TTLL4: variants seen among roughly 807,000 people sequenced by gnomAD.
TTLL4 encodes the protein tubulin monoglutamylase TTLL4.
Under a neutral mutation model 122.7 loss-of-function variants are expected in TTLL4, and 85 were observed. That is an observed-to-expected ratio of 0.69 (90% CI 0.58 to 0.83). The LOEUF (loss-of-function observed/expected upper bound fraction) is 0.83. TTLL4 is among the 40% of genes least tolerant of loss of function. The pLI is 0.00. For synonymous variants in TTLL4, 553 were observed against 563.0 expected, an observed-to-expected ratio of 0.98 and a Z score of 0.25; for missense variants, 1,363 against 1,488.6, an observed-to-expected ratio of 0.92 and a Z score of 1.39.
intron 15 of TTLL4, 41 bp from the exon 16 acceptor site, chr2:218,751,663 G>A: frequency 1.2e-6 from 2 of 1,601,384 alleles, no homozygotes; most frequent in Admixed American, 3.5e-5. Context: ...ATAAGAAGCT[G>A]CTGACCCTGC....
chr2:218,737,527 G>C, intron 2 of TTLL4, 52 bp from the exon 3 acceptor site: 1 of 932,592 alleles, frequency 1.1e-6, no homozygotes, highest in Non-Finnish European at 1.6e-6. Flanking sequence ...CTGTAGCATG[G>C]TGTCCGTTCT....
intron 5 of TTLL4, among the ~76,000 whole-genome samples, chr2:218,743,164 A>G (rs559211573): frequency 4.0e-4 from 60 of 151,710 alleles, no homozygotes; most frequent in African/African-American, 1.4e-3. Flanking sequence ...AACAAGATAC[A>G]GAACGTTGTC....
At chr2:218,711,994 C>G (rs549248322) in intron 1 of TTLL4, among the ~76,000 whole-genome samples, 1 of 151,914 alleles carries the variant, frequency 6.6e-6, no homozygotes, top group East Asian at 1.9e-4. Context: ...GCATTTAAAC[C>G]ACCCACTTTG....
At chr2:218,732,483 G>A (rs1942408427) in intron 2 of TTLL4, among the ~76,000 whole-genome samples, 1 of 152,178 alleles carries the variant, frequency 6.6e-6, no homozygotes, top group African/African-American at 2.4e-5. Flanking sequence ...TCGTAGGAGG[G>A]CAGAGTATAT....
At chr2:218,729,974 T>C (rs1942320390) in intron 2 of TTLL4, among the ~76,000 whole-genome samples, 1 of 152,006 alleles carries the variant, frequency 6.6e-6, no homozygotes, top group African/African-American at 2.4e-5. Context: ...AAACTCATGG[T>C]CTTAAGTGAT....
At position 218,747,895 on chromosome 2, in the gene TTLL4, C is replaced by T. The variant is rs928814737; in HGVS notation, c.2378+170C>T. On this transcript the variant is annotated intron_variant, in intron 11 of 19. Coordinates refer to ENST00000392102, the MANE Select transcript of TTLL4 (RefSeq NM_014640.5). This position sits in a 1 kb window ranked among gnomAD's most constrained non-coding sequence, Gnocchi z 4.7. Reference sequence around the variant, plus strand: ...CTTCGTTAAATCTGGGGAGGGTCTTCCTGCATGCGGGACTGAGGTGGGATA... The same window carrying T: ...CTTCGTTAAATCTGGGGAGGGTCTTTCTGCATGCGGGACTGAGGTGGGATA... 2.6e-5 allele frequency: 30 copies of T among 1,164,060 alleles called. No individual in the cohort carries two copies. The highest frequency in any genetic ancestry group is 3.6e-5 in the Non-Finnish European group (30 of 830,388). 72.1% of individuals were successfully genotyped at this position (1,164,060 alleles called of 1,614,324 possible).
In TTLL4 at chr2:218,754,310, G is replaced by A. The variant is rs1234746433; in HGVS notation, c.3521G>A (p.Cys1174Tyr). The A allele has an allele frequency of 4.3e-6, 7 of 1,614,058 alleles. No individual in the cohort carries two copies. Among genetic ancestry groups the A allele is most frequent in the Non-Finnish European group, 1.7e-6 (2 of 1,180,044 alleles). Residue 1174 changes from cysteine to tyrosine, a missense_variant, in exon 20 of 20, where the codon TGC becomes TAC. Transcript: ENST00000392102. Reference sequence around the variant, plus strand: ...ACCCAGACGTTACCTGTGATCAAGTGCTCTGGGCAGACTTCAAGACTTTCT... The same window carrying A: ...ACCCAGACGTTACCTGTGATCAAGTACTCTGGGCAGACTTCAAGACTTTCT... ...LSTQTLPVIK[C>Y]SGQTSRLSAS...
At position 218,738,709 on chromosome 2, in the gene TTLL4, G is replaced by C. The variant is rs138326187; in HGVS notation, c.1033G>C (p.Ala345Pro). The C allele has an allele frequency of 4.7e-4, 763 of 1,614,184 alleles. 9 individuals are homozygous for C. The Admixed American group carries it at 0.01, about 21-fold the overall frequency. The change falls in exon 3 of 20, where the codon GCA becomes CCA. Residue 345 changes from alanine (A) to proline (P), a missense_variant. Transcript: ENST00000392102. The part of the protein sequence containing the change: ...RFTEAVRKLT[A>P]RGFEKMPRQG... ...CACTGAGGCCGTGAGGAAATTGACC[G>C]CAAGAGGCTTTGAGAAGATGCCGAG...
At chr2:218,756,106 G>A (rs1394138806), downstream of TTLL4, among the ~76,000 whole-genome samples, 1 of 152,204 alleles carries the variant, frequency 6.6e-6, no homozygotes, top group African/African-American at 2.4e-5. Flanking sequence ...GACATGACAT[G>A]GGGAATCTGC....
chr2:218,753,286 A>C, intron 18 of TTLL4, 101 bp downstream of exon 18: 1 of 1,238,076 alleles, frequency 8.1e-7, no homozygotes, highest in South Asian at 1.2e-5. Flanking sequence ...GGCCTCTCTC[A>C]CTTCTCCGCT....
At chr2:218,757,718 T>C (rs1943179000), downstream of TTLL4, among the ~76,000 whole-genome samples, 1 of 152,162 alleles carries the variant, frequency 6.6e-6, no homozygotes, top group Non-Finnish European at 1.5e-5. Flanking sequence ...CCCAGTGGCT[T>C]CTGGGGCAGT....
At chr2:218,722,413 T>C (rs1024652990) in intron 1 of TTLL4, among the ~76,000 whole-genome samples, 2 of 151,318 alleles carry the variant, frequency 1.3e-5, no homozygotes, top group African/African-American at 4.9e-5. Context: ...TTTTAGATAG[T>C]GGAGGAATGA....
intron 2 of TTLL4, 138 bp from the exon 3 acceptor site, chr2:218,737,441 C>T (rs1374164782): frequency 4.3e-6 from 2 of 462,638 alleles, no homozygotes; most frequent in Admixed American, 7.7e-5. Context: ...TGTTCTTCTC[C>T]CAGTGCCCCA....
intron 2 of TTLL4, chr2:218,736,481 C>G (rs1314072053): frequency 1.3e-5 from 2 of 152,246 alleles, no homozygotes; most frequent in Non-Finnish European, 2.9e-5. Context: ...GGCTCTTCCT[C>G]CCTGAGATCA....
In TTLL4 at chr2:218,745,734, G is replaced by T; in HGVS notation, c.1830G>T (p.Lys610Asn). The T allele has an allele frequency of 6.2e-7, 1 of 1,613,464 alleles. No individual in the cohort carries two copies. Among genetic ancestry groups the T allele is most frequent in the Non-Finnish European group, 8.5e-7 (1 of 1,179,816 alleles). Residue 610 changes from lysine to asparagine, a missense_variant, in exon 7 of 20, where the codon AAG becomes AAT. By Grantham distance (94) the Lys-to-Asn change is moderately conservative. This residue lies in a region of TTLL4 where 760 missense variants were observed against 808.4 expected (regional missense o/e 0.94). Transcript: ENST00000392102. ...AACAGAGGAAGTTGCTCCGATGGAA[G>T]ATGAGCACAGTGACCCCCAACATTG... ...PWEQRKLLRW[K>N]MSTVTPNIVK...
Position 218,749,340 on chromosome 2 carries a change from A to G in TTLL4, c.2688A>G (p.Leu896=), listed in dbSNP as rs771912010. The change falls in exon 14 of 20, where the codon CTA becomes CTG. Residue 896 remains leucine (L), a synonymous_variant. Coordinates refer to ENST00000392102, the MANE Select transcript of TTLL4 (RefSeq NM_014640.5). ...AACTCTTTGGTTTTGACATCATGCTAGACGAAAACCTCAAGCCCTGGGTCC... is the reference window on the plus strand; with the variant it reads ...AACTCTTTGGTTTTGACATCATGCTGGACGAAAACCTCAAGCCCTGGGTCC... ...CHELFGFDIM[L]DENLKPWVLE... is the part of the protein sequence containing the mutation. 1.9e-6 allele frequency: 3 copies of G among 1,614,180 alleles called. No individual in the cohort carries two copies. The highest frequency in any genetic ancestry group is 1.1e-5 in the South Asian group (1 of 91,082).
At chr2:218,739,985 T>A (rs2106437468) in intron 3 of TTLL4, 73 bp from the exon 4 acceptor site, 1 of 1,374,590 alleles carries the variant, frequency 7.3e-7, no homozygotes, top group African/African-American at 1.4e-5. Context: ...TGGGAGATGA[T>A]GAAGGAATGA....
intron 1 of TTLL4, among the ~76,000 whole-genome samples, chr2:218,715,691 G>A (rs760426741): frequency 3.3e-5 from 5 of 151,786 alleles, no homozygotes; most frequent in Non-Finnish European, 7.4e-5. Flanking sequence ...GTGCAGTGGC[G>A]CAATCTCGGC....
rs748878484 is a variant in TTLL4 at position 218,747,399 on chromosome 2, C to T, written c.2249+27C>T. On this transcript the variant is annotated intron_variant, in intron 10 of 19. Coordinates refer to ENST00000392102, the MANE Select transcript of TTLL4 (RefSeq NM_014640.5). The surrounding 1 kb of genome is among the most constrained non-coding windows in gnomAD (Gnocchi z 4.7). ...TGAGCCTGTAGCACATATCCCTTAC[C>T]CCATCCTCCCACCTCCTTGGCCTCG... The T allele has an allele frequency of 1.9e-6, 3 of 1,610,136 alleles. No homozygotes were observed. In the South Asian group the frequency reaches 3.3e-5, roughly 18 times the overall value.
Sources: gnomAD v4.1 joint callset for allele counts (sites outside exome capture counted in the v4.1 genomes callset) on GRCh38, gnomAD v4.1.1 for gene constraint, gnomAD v4.1.1 regional missense constraint, Gnocchi (gnomAD v3.1) non-coding constraint, MANE v1.5 for transcripts, NCBI Gene and HGNC (gene_info 2026-07-23, HGNC 2026-07-21) for gene names.